The following NCAM2 variants were observed in gnomAD, a reference collection of about 807,000 sequenced individuals.
The protein encoded by NCAM2 is N-CAM-2.
NCAM2 carries 30 observed loss-of-function variants against 98.1 expected under a neutral mutation model. The ratio of observed to expected loss-of-function variants is 0.31; its 90% CI spans 0.23 to 0.41. The LOEUF is 0.41. Ranked by LOEUF, NCAM2 falls within the 10% of genes least tolerant of loss-of-function variation. The probability of loss-of-function intolerance (pLI) is 1.00; values close to 1 mark genes in which losing one functional copy is unlikely to be tolerated. For missense variants in NCAM2, 867 were observed against 1,005.8 expected, an observed-to-expected ratio of 0.86 and a Z score of 1.87; for synonymous variants, 368 against 342.4, an observed-to-expected ratio of 1.07 and a Z score of -0.83.
At chr21:21,026,877 G>T (rs533534054) in intron 1 of NCAM2, among the ~76,000 whole-genome samples, 11 of 118,554 alleles carry the variant, frequency 9.3e-5, no homozygotes, top group Admixed American at 1.9e-4. Flanking sequence ...TTTTTTTTGA[G>T]ACAGCATCTC....
chr21:21,115,466 A>G (rs898726814), intron 1 of NCAM2, among the ~76,000 whole-genome samples: 3 of 151,532 alleles, frequency 2.0e-5, no homozygotes, highest in African/African-American at 7.3e-5. Flanking sequence ...ATTCATCACC[A>G]CTCTCTTCTT....
intron 12 of NCAM2, among the ~76,000 whole-genome samples, chr21:21,465,428 C>T (rs908652267): frequency 6.6e-6 from 1 of 151,502 alleles, no homozygotes; most frequent in African/African-American, 2.4e-5. Flanking sequence ...AGAAAACAAA[C>T]AAAATGCTAA....
chr21:21,490,678 A>G (rs781006600), intron 15 of NCAM2, among the ~76,000 whole-genome samples: 2 of 151,876 alleles, frequency 1.3e-5, no homozygotes, highest in African/African-American at 2.4e-5. Flanking sequence ...TAGTGTACAC[A>G]ATTCATGTAC....
At chr21:21,047,607 G>A (rs2065027549) in intron 1 of NCAM2, among the ~76,000 whole-genome samples, 2 of 152,128 alleles carry the variant, frequency 1.3e-5, no homozygotes, top group Admixed American at 1.3e-4. Flanking sequence ...TACAACTGTA[G>A]GGATAAATAA....
At chr21:21,332,447 A>C (rs1048465100) in intron 6 of NCAM2, among the ~76,000 whole-genome samples, 1 of 152,106 alleles carries the variant, frequency 6.6e-6, no homozygotes, top group Non-Finnish European at 1.5e-5. Flanking sequence ...CCTGTGTTTT[A>C]GGATATCTTT....
intron 1 of NCAM2, among the ~76,000 whole-genome samples, chr21:21,141,511 T>A (rs1394902036): frequency 6.6e-6 from 1 of 152,258 alleles, no homozygotes; most frequent in Non-Finnish European, 1.5e-5. Context: ...TCCTATCAAT[T>A]ACTATATTCT....
At chr21:21,248,495 A>G (rs1263815815) in intron 1 of NCAM2, among the ~76,000 whole-genome samples, 2 of 152,054 alleles carry the variant, frequency 1.3e-5, no homozygotes, top group African/African-American at 2.4e-5. Flanking sequence ...AAAAAAGTCC[A>G]TTAAGATTTA....
At position 21,108,404 on chromosome 21, in the gene NCAM2, C is replaced by T. The variant is rs577122951; in HGVS notation, c.55+109786C>T. Among the ~76,000 whole-genome samples the T allele has an allele frequency of 1.2e-3, 180 of 152,102 alleles. 1 individual carries two copies. Among genetic ancestry groups the T allele is most frequent in the African/African-American group, 4.2e-3 (173 of 41,520 alleles). ...TACATTTGGCCATTGACGGCACTTT[C>T]AATTTTGAAGCTGTACTGAAGCTGT... is the stretch of plus-strand genomic sequence containing the variant. On this transcript the variant is annotated intron_variant, in intron 1 of 17. Coordinates refer to ENST00000400546, the MANE Select transcript of NCAM2 (RefSeq NM_004540.5).
intron 8 of NCAM2, 92 bp from the exon 9 acceptor site, chr21:21,373,771 A>C: frequency 9.0e-7 from 1 of 1,113,142 alleles, no homozygotes; most frequent in Non-Finnish European, 1.2e-6. Flanking sequence ...TTTGCCAGAG[A>C]AACATGGGAA....
At position 21,113,577 on chromosome 21, in the gene NCAM2, A is replaced by G. The variant is rs530350670; in HGVS notation, c.55+114959A>G. On this transcript the variant is annotated intron_variant, in intron 1 of 17. Coordinates refer to ENST00000400546, the MANE Select transcript of NCAM2 (RefSeq NM_004540.5). ...ACATGGCCTATTACTGAAAAAAAAA[A>G]GATGACTGGGAAACTATGATTATTA... 7.2e-5 allele frequency among the ~76,000 whole-genome samples: 11 copies of G among 152,298 alleles called. No homozygotes were observed. The South Asian group carries it at 2.3e-3, about 32-fold the overall frequency.
intron 10 of NCAM2, among the ~76,000 whole-genome samples, chr21:21,412,125 G>T (rs1038785243): frequency 3.3e-5 from 5 of 152,164 alleles, no homozygotes; most frequent in African/African-American, 1.2e-4. Context: ...CTGAGTTCTG[G>T]AGGATAGAGG....
At chr21:21,003,089 A>C (rs1912598244) in intron 1 of NCAM2, among the ~76,000 whole-genome samples, 1 of 152,148 alleles carries the variant, frequency 6.6e-6, no homozygotes, top group East Asian at 1.9e-4. Flanking sequence ...TTAACAATTT[A>C]CAGTTATAAT....
intron 1 of NCAM2, among the ~76,000 whole-genome samples, chr21:21,008,786 A>G (rs1314528550): frequency 1.3e-5 from 2 of 152,078 alleles, no homozygotes; most frequent in Non-Finnish European, 2.9e-5. Context: ...TTTTGTTTGA[A>G]ATATTTGGGA....
chr21:21,123,848 CTT>C (rs71193401), intron 1 of NCAM2, among the ~76,000 whole-genome samples: 8 of 86,656 alleles, frequency 9.2e-5, no homozygotes, highest in Non-Finnish European at 1.4e-4. Context: ...TTCTTGATTG[CTT>C]TTTTTTTTTT....
intron 15 of NCAM2, among the ~76,000 whole-genome samples, chr21:21,489,829 T>G (rs1363820700): frequency 6.6e-6 from 1 of 152,026 alleles, no homozygotes; most frequent in Non-Finnish European, 1.5e-5. Context: ...AAGAAAAAAA[T>G]TAACACTTAT....
intron 1 of NCAM2, among the ~76,000 whole-genome samples, chr21:21,074,811 A>G (rs929238343): frequency 7.6e-5 from 11 of 144,670 alleles, no homozygotes; most frequent in Non-Finnish European, 3.0e-5. Flanking sequence ...GGAAACTATG[A>G]AGGTCATGTC....
At chr21:21,414,813 C>T (rs557058800) in intron 10 of NCAM2, among the ~76,000 whole-genome samples, 2 of 152,170 alleles carry the variant, frequency 1.3e-5, no homozygotes, top group Non-Finnish European at 2.9e-5. Context: ...GTTGAAATTA[C>T]TCCTTGATCC....
At chr21:21,045,398 C>CT (rs1034605878) in intron 1 of NCAM2, among the ~76,000 whole-genome samples, 3 of 151,972 alleles carry the variant, frequency 2.0e-5, no homozygotes, top group African/African-American at 7.3e-5. Flanking sequence ...AATTCCAGCA[C>CT]TTTGGGAGGC....
intron 5 of NCAM2, among the ~76,000 whole-genome samples, chr21:21,315,088 G>A (rs1033217025): frequency 1.1e-4 from 17 of 151,966 alleles, no homozygotes; most frequent in African/African-American, 4.1e-4. Flanking sequence ...GTTTTTGTAG[G>A]CAATCAGTTT....
Sources: allele counts gnomAD v4.1 joint callset (sites outside exome capture counted in the v4.1 genomes callset), GRCh38; gene constraint gnomAD v4.1.1; transcripts MANE v1.5; gene names NCBI Gene and HGNC (gene_info 2026-07-23, HGNC 2026-07-21).